Variants in INPP4B observed in about 807,000 individuals in gnomAD.
INPP4B encodes the protein inositol polyphosphate 4-phosphatase type II.
In INPP4B, 55 loss-of-function variants were observed where a neutral mutation model predicts 122.5. The observed-to-expected ratio is 0.45, with a 90% CI of 0.36 to 0.56. INPP4B has a LOEUF of 0.56. Ranked by LOEUF, INPP4B falls within the 20% of genes least tolerant of loss-of-function variation. The pLI is 0.00. For missense variants in INPP4B, 1,000 were observed against 1,097.7 expected (o/e 0.91, Z 1.26); for synonymous variants, 403 against 388.7 (o/e 1.04, Z -0.43).
rs150795344 is a variant in INPP4B, at chr4:142,591,770, T to C, written c.-190-129044A>G. Among the ~76,000 whole-genome samples, 551 of 152,280 alleles carry C rather than the reference T, an allele frequency of 3.6e-3. 7 individuals are homozygous for C. Among genetic ancestry groups the C allele is most frequent in the East Asian group, 0.018 (95 of 5,182 alleles). ...ATGAGAATTGTCCTCCTCAAAAACA[T>C]GTAACACTAGCCTGACCTATGCAAA... On this transcript the variant is annotated intron_variant, in intron 2 of 25. Transcript: ENST00000262992.
At chr4:142,443,441 CATTGAA>C (rs1324532895) in intron 3 of INPP4B, among the ~76,000 whole-genome samples, 1 of 152,058 alleles carries the variant, frequency 6.6e-6, no homozygotes, top group Non-Finnish European at 1.5e-5. Context: ...GGTGAAGACT[CATTGAA>C]ATTAGAAAGG....
chr4:142,254,078 C>T (rs1035554125), intron 11 of INPP4B, among the ~76,000 whole-genome samples: 2 of 152,084 alleles, frequency 1.3e-5, no homozygotes, highest in Admixed American at 6.5e-5. Context: ...CTGGGAGGCA[C>T]CCCCCAGCAG....
intron 2 of INPP4B, among the ~76,000 whole-genome samples, chr4:142,714,502 G>A (rs1763521282): frequency 6.6e-6 from 1 of 152,142 alleles, no homozygotes; most frequent in Non-Finnish European, 1.5e-5. Flanking sequence ...AGCTTGTGGT[G>A]CTTTTTATTT....
chr4:142,701,427 C>T (rs1159999600), intron 2 of INPP4B, among the ~76,000 whole-genome samples: 1 of 150,928 alleles, frequency 6.6e-6, no homozygotes, highest in Non-Finnish European at 1.5e-5. Context: ...CAGCCACACT[C>T]TAACTGGTGC....
Position 142,383,685 on chromosome 4 carries a change from G to GA in INPP4B, c.372+19252dup, listed in dbSNP as rs372054453. ...AGAAAAAAAAGTCATATTTTTACCA[G>GA]AAAAAAAAATCTATTGTTTTTGGAC... is the stretch of plus-strand genomic sequence containing the variant. On this transcript the variant is annotated intron_variant, in intron 7 of 25. Transcript: ENST00000262992. The GA allele has an allele frequency of 1.2e-3, 203 of 165,370 alleles. 2 individuals carry two copies. Among genetic ancestry groups the GA allele is most frequent in the South Asian group, 1.8e-3 (9 of 5,052 alleles). The allele number at this position is 165,370 out of a possible 1,614,324, so 10.2% of individuals were successfully genotyped here.
intron 2 of INPP4B, among the ~76,000 whole-genome samples, chr4:142,571,334 T>A (rs1391593512): frequency 1.3e-5 from 2 of 152,098 alleles, no homozygotes; most frequent in East Asian, 3.9e-4. Flanking sequence ...AAACTTGATG[T>A]TTTGATATAC....
At chr4:142,226,921 T>G (rs558392310) in intron 12 of INPP4B, among the ~76,000 whole-genome samples, 88 of 152,216 alleles carry the variant, frequency 5.8e-4, no homozygotes, top group Non-Finnish European at 1.1e-3. Context: ...AGATAGGAAC[T>G]AATTGAGGAA....
chr4:142,424,177 C>T (rs1006098073), intron 5 of INPP4B, among the ~76,000 whole-genome samples: 4 of 151,776 alleles, frequency 2.6e-5, no homozygotes, highest in South Asian at 2.1e-4. Flanking sequence ...AGTGACTACG[C>T]TTTCTCATAA....
chr4:142,678,636 G>C (rs752428345), intron 2 of INPP4B, among the ~76,000 whole-genome samples: 8 of 151,826 alleles, frequency 5.3e-5, no homozygotes, highest in Non-Finnish European at 1.2e-4. Flanking sequence ...ATATAAAAAG[G>C]GTTAGTGAAA....
chr4:142,083,719 A>T (rs1054047114), intron 24 of INPP4B, among the ~76,000 whole-genome samples: 10 of 152,212 alleles, frequency 6.6e-5, no homozygotes, highest in African/African-American at 2.4e-4. Context: ...ATAAGTGACT[A>T]GAAAAATGTG....
intron 7 of INPP4B, among the ~76,000 whole-genome samples, chr4:142,338,773 T>A (rs1330742957): frequency 6.6e-6 from 1 of 152,190 alleles, no homozygotes; most frequent in Non-Finnish European, 1.5e-5. Flanking sequence ...CATATTGGAA[T>A]TGGTGCCAAA....
chr4:142,805,527 A>G (rs920268445), intron 1 of INPP4B, among the ~76,000 whole-genome samples: 4 of 152,172 alleles, frequency 2.6e-5, no homozygotes, highest in African/African-American at 9.7e-5. Context: ...TGATGGGTCC[A>G]CTTACATGCA....
chr4:142,207,102 T>G (rs1264331470), intron 14 of INPP4B, among the ~76,000 whole-genome samples: 1 of 152,150 alleles, frequency 6.6e-6, no homozygotes, highest in African/African-American at 2.4e-5. Flanking sequence ...ATCCTCCAGG[T>G]TCATCCATGT....
intron 3 of INPP4B, among the ~76,000 whole-genome samples, chr4:142,433,011 T>C (rs1265415808): frequency 6.6e-6 from 1 of 152,176 alleles, no homozygotes; most frequent in Non-Finnish European, 1.5e-5. Context: ...ATACTATCCA[T>C]GCAAAACTAA....
At chr4:142,493,751 T>A (rs2149791929) in intron 2 of INPP4B, among the ~76,000 whole-genome samples, 1 of 152,194 alleles carries the variant, frequency 6.6e-6, no homozygotes, top group South Asian at 2.1e-4. Context: ...CAGATGAGAC[T>A]TTGGACTTGT....
At chr4:142,312,723 G>A (rs776504356) in intron 8 of INPP4B, among the ~76,000 whole-genome samples, 3 of 152,086 alleles carry the variant, frequency 2.0e-5, no homozygotes, top group Non-Finnish European at 2.9e-5. Flanking sequence ...TTGTGGAATG[G>A]GGGTGGGCAG....
intron 9 of INPP4B, among the ~76,000 whole-genome samples, chr4:142,297,860 T>A (rs1463187772): frequency 6.6e-6 from 1 of 152,190 alleles, no homozygotes; most frequent in African/African-American, 2.4e-5. Flanking sequence ...GTAAGTTTCA[T>A]GCAAGAATAA....
chr4:142,594,384 A>G (rs1401375192), intron 2 of INPP4B, among the ~76,000 whole-genome samples: 1 of 152,220 alleles, frequency 6.6e-6, no homozygotes, highest in Non-Finnish European at 1.5e-5. Flanking sequence ...ACAGCAATAA[A>G]ATAATAGCTA....
At chr4:142,448,403 G>A (rs895300446) in intron 3 of INPP4B, among the ~76,000 whole-genome samples, 1 of 146,586 alleles carries the variant, frequency 6.8e-6, no homozygotes, top group African/African-American at 2.5e-5. Context: ...CAATAGTGAA[G>A]CATTAAACTT....
Sources: gnomAD v4.1 joint callset for allele counts (sites outside exome capture counted in the v4.1 genomes callset) on GRCh38, gnomAD v4.1.1 for gene constraint, MANE v1.5 for transcripts, NCBI Gene and HGNC (gene_info 2026-07-23, HGNC 2026-07-21) for gene names.